Variants in DNAH12 observed in about 807,000 individuals in gnomAD.
DNAH12 encodes dynein axonemal heavy chain 12.
A neutral mutation model predicts 371.5 loss-of-function variants in DNAH12; 285 were observed. The observed-to-expected ratio is 0.77, with a 90% CI of 0.70 to 0.85. The LOEUF is 0.85. Among genes scored for constraint, DNAH12 ranks in the 40% least tolerant of loss-of-function variants. The probability of loss-of-function intolerance (pLI) is 0.00; values close to 1 mark genes in which losing one functional copy is unlikely to be tolerated. For synonymous variants in DNAH12, 1,200 were observed against 1,213.0 expected, an observed-to-expected ratio of 0.99 and a Z score of 0.22; for missense variants, 3,611 against 3,689.4, an observed-to-expected ratio of 0.98 and a Z score of 0.55.
At chr3:57,422,543 C>G (rs1221164776) in intron 35 of DNAH12, among the ~76,000 whole-genome samples, 1 of 152,144 alleles carries the variant, frequency 6.6e-6, no homozygotes, top group African/African-American at 2.4e-5. Flanking sequence ...TGGTTCACAC[C>G]TGTAATCCCA....
In DNAH12 at chr3:57,425,039, T is replaced by C; in HGVS notation, c.5356A>G (p.Ile1786Val). 1.4e-6 allele frequency: 1 copy of C among 702,378 alleles called. No individual in the cohort carries two copies. Among genetic ancestry groups the C allele is most frequent in the Non-Finnish European group, 2.6e-6 (1 of 384,806 alleles). The allele number at this position is 702,378 out of a possible 1,614,324, so 43.5% of individuals were successfully genotyped here. A position where few individuals can be genotyped will look rare whatever the true frequency, so the allele number is the denominator to read the frequency against. ...AAACCAACCATAATCCAAACACGAA[T>C]GTGCTTGCTAGTAGGATCATTTTCT... ...VVENDPTSKH[I>V]RVWIMACFIF... The change falls in exon 35 of 74, where the codon ATT becomes GTT. Residue 1786 changes from isoleucine (I) to valine (V), a missense_variant. Transcript: ENST00000495027.
intron 2 of DNAH12, among the ~76,000 whole-genome samples, chr3:57,527,049 C>T (rs570454889): frequency 1.8e-4 from 27 of 152,206 alleles, no homozygotes; most frequent in East Asian, 3.9e-4. Flanking sequence ...TGGCCAGGCT[C>T]GTCTCAAACT....
chr3:57,458,610 C>A (rs1236192146), intron 20 of DNAH12, among the ~76,000 whole-genome samples: 1 of 152,134 alleles, frequency 6.6e-6, no homozygotes, highest in African/African-American at 2.4e-5. Flanking sequence ...CAAATCCAGT[C>A]TGTTGTCAGT....
intron 38 of DNAH12, among the ~76,000 whole-genome samples, chr3:57,414,744 TA>T (rs5849204): frequency 0.23 from 35,500 of 152,004 alleles, 4,785 homozygotes; most frequent in South Asian, 0.44. Context: ...ATTGGAAAAA[TA>T]AACCAAAATT....
chr3:57,340,707 T>C (rs1663009358), intron 60 of DNAH12, among the ~76,000 whole-genome samples: 2 of 152,218 alleles, frequency 1.3e-5, no homozygotes, highest in Admixed American at 1.3e-4. Flanking sequence ...TCTTCACTGC[T>C]GAATTCTACC....
chr3:57,535,979 G>A (rs1252631807), intron 2 of DNAH12, among the ~76,000 whole-genome samples: 2 of 152,004 alleles, frequency 1.3e-5, no homozygotes, highest in East Asian at 1.9e-4. Flanking sequence ...TGGGATTATA[G>A]GCATCCGCCA....
upstream of DNAH12, among the ~76,000 whole-genome samples, chr3:57,548,083 C>T (rs1575767753): frequency 6.6e-6 from 1 of 152,072 alleles, no homozygotes; most frequent in East Asian, 1.9e-4. Flanking sequence ...AACAATGATG[C>T]GATTGACAAG....
chr3:57,343,796 G>A lies in DNAH12; in HGVS notation c.9674+8289C>T, dbSNP rs570048617. On this transcript the variant is annotated intron_variant, in intron 60 of 73. Coordinates refer to ENST00000495027, the MANE Select transcript of DNAH12 (RefSeq NM_001366028.2). Reference sequence around the variant, plus strand: ...AAGATAGGAGAAAAACCGCCCTATGGTGGGAGGCGAGACATGTTTGCAGCA... The same window carrying A: ...AAGATAGGAGAAAAACCGCCCTATGATGGGAGGCGAGACATGTTTGCAGCA... 6.6e-5 allele frequency among the ~76,000 whole-genome samples: 10 copies of A among 152,326 alleles called. No homozygotes were observed. In the East Asian group the frequency reaches 1.9e-3, roughly 29 times the overall value.
intron 54 of DNAH12, 129 bp from the exon 55 acceptor site, chr3:57,375,645 A>C (rs1235343773): frequency 6.6e-6 from 1 of 152,194 alleles, no homozygotes; most frequent in Non-Finnish European, 1.5e-5. Context: ...AAAAGAAATT[A>C]AAAGTTGAAT....
At chr3:57,544,879 C>T (rs147910028), upstream of DNAH12, among the ~76,000 whole-genome samples, 614 of 152,072 alleles carry the variant, frequency 4.0e-3, 1 homozygote, top group Middle Eastern at 6.8e-3. Flanking sequence ...TAATAGCCTA[C>T]GAGAATACTA....
intron 2 of DNAH12, among the ~76,000 whole-genome samples, chr3:57,534,241 G>A (rs1025047297): frequency 6.6e-6 from 1 of 152,120 alleles, no homozygotes; most frequent in African/African-American, 2.4e-5. Flanking sequence ...CTGGGATTGG[G>A]GGTGATTGGT....
intron 25 of DNAH12, among the ~76,000 whole-genome samples, chr3:57,451,996 C>T (rs773246348): frequency 6.6e-6 from 1 of 152,146 alleles, no homozygotes; most frequent in African/African-American, 2.4e-5. Context: ...CTTGGGCCTC[C>T]TTGAAGTGTG....
chr3:57,526,872 CA>C (rs34197444), intron 2 of DNAH12, among the ~76,000 whole-genome samples: 103,123 of 151,346 alleles, frequency 0.68, 35,393 homozygotes, highest in African/African-American at 0.71. Context: ...CTTACTCTGT[CA>C]CCCAGGTTGG....
intron 68 of DNAH12, 125 bp from the exon 69 acceptor site, chr3:57,309,379 T>C: frequency 1.3e-6 from 1 of 783,208 alleles, no homozygotes; most frequent in Admixed American, 3.1e-5. Flanking sequence ...CGTACAGTAA[T>C]GTATATAAGT....
intron 10 of DNAH12, among the ~76,000 whole-genome samples, chr3:57,501,993 G>A (rs1160652235): frequency 1.3e-5 from 2 of 151,434 alleles, no homozygotes; most frequent in Non-Finnish European, 2.9e-5. Flanking sequence ...TGCAAGCTCC[G>A]CCTCCTGGGT....
rs1056306724 is a variant in DNAH12 at position 57,495,948 on chromosome 3, CTATT to C, written c.1335+5369_1335+5372del. On this transcript the variant is annotated intron_variant, in intron 11 of 73. Transcript: ENST00000495027. ...TTATATATATTTTATACTATTTTATCTATTTATATATTTATATATTTTAATCCCT... is the reference window on the plus strand; with the variant it reads ...TTATATATATTTTATACTATTTTATCTATATATTTATATATTTTAATCCCT... 4.5e-4 allele frequency among the ~76,000 whole-genome samples: 62 copies of C among 137,538 alleles called. 1 individual carries two copies. The highest frequency in any genetic ancestry group is 6.7e-4 in the Non-Finnish European group (44 of 65,398). 90.2% of individuals were successfully genotyped at this position (137,538 alleles called of 152,430 possible).
At position 57,462,782 on chromosome 3, in the gene DNAH12, G is replaced by T; in HGVS notation, c.2443C>A (p.Pro815Thr). ...ISEIVGYDLT[P>T]DSGTTLRKVL... The stretch of plus-strand genomic sequence containing the variant: ...TTTCTCAGTGTAGTTCCAGAGTCTG[G>T]AGTCAAGTCATAGCCTACAATTTCT... The change falls in exon 18 of 74, where the codon CCA becomes ACA. Residue 815 changes from proline to threonine, a missense_variant. Coordinates refer to ENST00000495027, the MANE Select transcript of DNAH12 (RefSeq NM_001366028.2). 1 of 1,551,474 alleles carries T rather than the reference G, an allele frequency of 6.4e-7. No homozygotes were observed. The highest frequency in any genetic ancestry group is 8.7e-7 in the Non-Finnish European group (1 of 1,146,916).
chr3:57,295,766 A>C (rs1010010628), intron 72 of DNAH12, among the ~76,000 whole-genome samples, 174 bp from the exon 73 acceptor site: 1 of 152,236 alleles, frequency 6.6e-6, no homozygotes, highest in African/African-American at 2.4e-5. Context: ...GAAACAAAAG[A>C]CAATGATGGA....
intron 58 of DNAH12, among the ~76,000 whole-genome samples, chr3:57,359,039 C>T (rs1208340069): frequency 2.0e-5 from 3 of 152,056 alleles, no homozygotes; most frequent in Non-Finnish European, 4.4e-5. Flanking sequence ...CTGCTTTGGC[C>T]TCCCAAAGTG....
Sources: allele counts gnomAD v4.1 joint callset (sites outside exome capture counted in the v4.1 genomes callset), GRCh38; gene constraint gnomAD v4.1.1; transcripts MANE v1.5; gene names NCBI Gene and HGNC (gene_info 2026-07-23, HGNC 2026-07-21).